GRIN2A: variants seen among roughly 807,000 people sequenced by gnomAD.
The protein encoded by GRIN2A is glutamate ionotropic receptor NMDA type subunit 2A.
A neutral mutation model predicts 113.4 loss-of-function variants in GRIN2A; 22 were observed. The ratio of observed to expected loss-of-function variants is 0.19; its 90% CI spans 0.14 to 0.28. The LOEUF (loss-of-function observed/expected upper bound fraction) is 0.28. Ranked by LOEUF, GRIN2A falls within the 10% of genes least tolerant of loss-of-function variation. The pLI is 1.00. For missense variants in GRIN2A, 1,502 were observed against 1,887.0 expected (o/e 0.80, Z 3.78); for synonymous variants, 827 against 738.4 (o/e 1.12, Z -1.94).
At chr16:9,767,245 G>A (rs1900973200) in intron 12 of GRIN2A, among the ~76,000 whole-genome samples, 1 of 152,222 alleles carries the variant, frequency 6.6e-6, no homozygotes. Flanking sequence ...TGGAGTGCAA[G>A]TGAATGGAGA....
intron 2 of GRIN2A, among the ~76,000 whole-genome samples, chr16:10,029,355 G>C (rs9925695): frequency 0.02 from 3,117 of 152,140 alleles, 121 homozygotes; most frequent in African/African-American, 0.071. Flanking sequence ...CCACCCACAC[G>C]TGGCAAATTT....
chr16:9,874,556 T>C (rs1208109376), intron 4 of GRIN2A, among the ~76,000 whole-genome samples: 1 of 152,196 alleles, frequency 6.6e-6, no homozygotes, highest in African/African-American at 2.4e-5. Context: ...GTTTTTATAA[T>C]TAAAGCACTG....
chr16:10,116,304 C>T (rs1056820342), intron 2 of GRIN2A, among the ~76,000 whole-genome samples: 1 of 152,100 alleles, frequency 6.6e-6, no homozygotes, highest in African/African-American at 2.4e-5. Context: ...GAACACACAC[C>T]AGAGTCTGTT....
intron 2 of GRIN2A, among the ~76,000 whole-genome samples, chr16:10,147,016 G>T (rs1376319850): frequency 2.0e-5 from 3 of 152,090 alleles, no homozygotes; most frequent in Non-Finnish European, 4.4e-5. Context: ...GACCTGCCTT[G>T]CTTTTCCCTC....
At chr16:10,052,161 G>A (rs573510538) in intron 2 of GRIN2A, among the ~76,000 whole-genome samples, 1 of 152,324 alleles carries the variant, frequency 6.6e-6, no homozygotes, top group African/African-American at 2.4e-5. Flanking sequence ...TTCTACTGTA[G>A]GAGGAAATTA....
intron 11 of GRIN2A, among the ~76,000 whole-genome samples, chr16:9,772,689 G>T (rs78622421): frequency 0.025 from 3,772 of 151,964 alleles, 75 homozygotes; most frequent in African/African-American, 0.061. Flanking sequence ...TTGGAGTCTG[G>T]GAGGACACAA....
At chr16:9,863,736 T>C (rs2043112475) in intron 4 of GRIN2A, among the ~76,000 whole-genome samples, 1 of 152,230 alleles carries the variant, frequency 6.6e-6, no homozygotes. Context: ...TAAGGGGCCT[T>C]AGAAAGGAGG....
chr16:10,011,819 G>A (rs570302172), intron 2 of GRIN2A, among the ~76,000 whole-genome samples: 1 of 152,258 alleles, frequency 6.6e-6, no homozygotes, highest in Non-Finnish European at 1.5e-5. Flanking sequence ...CATGATGCCT[G>A]TCCAAACCCC....
chr16:10,139,812 A>C (rs2142249944), intron 2 of GRIN2A, among the ~76,000 whole-genome samples: 1 of 150,122 alleles, frequency 6.7e-6, no homozygotes, highest in South Asian at 2.2e-4. Flanking sequence ...ATATGTGCAG[A>C]ACCCAGAGAG....
intron 2 of GRIN2A, among the ~76,000 whole-genome samples, chr16:10,064,629 GA>G (rs2047613020): frequency 6.6e-6 from 1 of 152,182 alleles, no homozygotes; most frequent in Non-Finnish European, 1.5e-5. Flanking sequence ...AATGGCAAGA[GA>G]AATTAATATG....
chr16:9,784,088 T>A (rs556778584), intron 11 of GRIN2A, among the ~76,000 whole-genome samples: 2 of 152,280 alleles, frequency 1.3e-5, no homozygotes, highest in Admixed American at 6.5e-5. Flanking sequence ...TTTACCTATA[T>A]AGCAAACCCG....
intron 4 of GRIN2A, among the ~76,000 whole-genome samples, chr16:9,856,092 T>C (rs1220188424): frequency 2.0e-5 from 3 of 152,170 alleles, no homozygotes; most frequent in Non-Finnish European, 4.4e-5. Context: ...GGTTTTTCAT[T>C]CATTATATGA....
intron 2 of GRIN2A, among the ~76,000 whole-genome samples, chr16:10,040,656 TAC>T (rs1241029084): frequency 6.7e-6 from 1 of 150,318 alleles, no homozygotes; most frequent in Non-Finnish European, 1.5e-5. Context: ...CACACACAAA[TAC>T]ACACACACTC....
chr16:10,063,745 C>A (rs188810524), intron 2 of GRIN2A, among the ~76,000 whole-genome samples: 2 of 152,142 alleles, frequency 1.3e-5, no homozygotes, highest in African/African-American at 4.8e-5. Context: ...ATAAAATCCT[C>A]CTAAAAACAG....
intron 4 of GRIN2A, among the ~76,000 whole-genome samples, chr16:9,888,880 C>T (rs1253595277): frequency 6.6e-6 from 1 of 152,052 alleles, no homozygotes; most frequent in African/African-American, 2.4e-5. Context: ...TCCCCCTTTA[C>T]TCTGTTAATG....
At chr16:10,179,679 G>T (rs80099381) in intron 2 of GRIN2A, 32,187 of 449,232 alleles carry the variant, frequency 0.072, 1,408 homozygotes, top group South Asian at 0.13. Flanking sequence ...CATGGTACTC[G>T]TAAATCTCCA....
chr16:9,915,273 A>G (rs1217044350), intron 3 of GRIN2A, among the ~76,000 whole-genome samples: 1 of 151,926 alleles, frequency 6.6e-6, no homozygotes, highest in Non-Finnish European at 1.5e-5. Context: ...GCTGAAGCTG[A>G]CGGCAATTTA....
intron 2 of GRIN2A, among the ~76,000 whole-genome samples, chr16:10,043,172 T>C (rs753131330): frequency 1.3e-5 from 2 of 152,236 alleles, no homozygotes; most frequent in Non-Finnish European, 2.9e-5. Flanking sequence ...CTAATCTCTC[T>C]AGTATCCTAC....
rs537829559 is a variant in GRIN2A, at chr16:10,049,670, C to T, written c.415-111119G>A. Among the ~76,000 whole-genome samples the T allele has an allele frequency of 4.6e-5, 7 of 152,298 alleles. No homozygotes were observed. In the East Asian group the frequency reaches 5.8e-4, roughly 13 times the overall value. The stretch of plus-strand genomic sequence containing the variant: ...CTGGGATTACAGGCATGAGTCACCG[C>T]GACCAGCCCACAACTTGCCTGGGAC... On this transcript the variant is annotated intron_variant, in intron 2 of 12. Coordinates refer to ENST00000330684, the MANE Select transcript of GRIN2A (RefSeq NM_001134407.3).
Sources: allele counts gnomAD v4.1 joint callset (sites outside exome capture counted in the v4.1 genomes callset), GRCh38; gene constraint gnomAD v4.1.1; transcripts MANE v1.5; gene names NCBI Gene and HGNC (gene_info 2026-07-23, HGNC 2026-07-21).